ADORA2B: variants seen among roughly 807,000 people sequenced by gnomAD.
The protein encoded by ADORA2B is adenosine A2b receptor.
ADORA2B carries 18 observed loss-of-function variants against 20.8 expected under a neutral mutation model. The observed-to-expected ratio is 0.87, with a 90% CI of 0.60 to 1.29. The LOEUF (loss-of-function observed/expected upper bound fraction) is 1.29, where lower values mean the gene tolerates loss of function less well. ADORA2B is among the 50% of genes most tolerant of loss of function. The pLI is 0.00. For synonymous variants in ADORA2B, 179 were observed against 178.3 expected (o/e 1.00, Z -0.03); for missense variants, 441 against 422.7 (o/e 1.04, Z -0.38).
intron 1 of ADORA2B, among the ~76,000 whole-genome samples, chr17:15,950,659 C>T (rs756274460): frequency 7.2e-5 from 11 of 152,192 alleles, no homozygotes; most frequent in African/African-American, 1.9e-4. Flanking sequence ...AGCAGCCAGA[C>T]GGGATGACTT....
At chr17:15,907,248 G>A in the ADORA2B span, among the ~76,000 whole-genome samples, 12,922 of 151,784 alleles carry the variant, frequency 0.085, 1,552 homozygotes, top group African/African-American at 0.26. Context: ...GTGTACCTGC[G>A]TGGAATGTTT....
chr17:15,923,854 A>G, the ADORA2B span, among the ~76,000 whole-genome samples: 389 of 152,088 alleles, frequency 2.6e-3, no homozygotes, highest in Non-Finnish European at 4.6e-3. Flanking sequence ...TTTGCCATGG[A>G]GAAAATTTTT....
At chr17:15,941,452 G>A (rs1406890252), upstream of ADORA2B, among the ~76,000 whole-genome samples, 2 of 152,188 alleles carry the variant, frequency 1.3e-5, no homozygotes, top group African/African-American at 4.8e-5. Flanking sequence ...AACCAGCTGG[G>A]TGTAGTGGCT....
At chr17:15,945,119 C>T (rs957209365), upstream of ADORA2B, 21 of 814,488 alleles carry the variant, frequency 2.6e-5, no homozygotes, top group Non-Finnish European at 3.2e-5. Flanking sequence ...AGCGCCCCAG[C>T]CCCGAGGCTC....
At chr17:15,949,648 G>C (rs866445424) in intron 1 of ADORA2B, among the ~76,000 whole-genome samples, 1 of 149,802 alleles carries the variant, frequency 6.7e-6, no homozygotes, top group Admixed American at 6.7e-5. Context: ...GAGGCAGGTG[G>C]ATCACCTGAG....
chr17:15,869,320 A>AAAT, the ADORA2B span, among the ~76,000 whole-genome samples: 14 of 149,176 alleles, frequency 9.4e-5, no homozygotes, highest in South Asian at 2.1e-4. Context: ...ACTCCATCTC[A>AAAT]AATAATAATA....
the ADORA2B span, among the ~76,000 whole-genome samples, chr17:15,931,204 G>T: frequency 4.6e-5 from 7 of 152,168 alleles, no homozygotes; most frequent in African/African-American, 1.7e-4. Context: ...GAAACGCAGG[G>T]TGTCCAGATG....
rs767586572 is a variant in ADORA2B at position 15,974,665 on chromosome 17, A to T, written c.336-14A>T. 3 of 1,605,922 alleles carry T rather than the reference A, an allele frequency of 1.9e-6. No individual in the cohort carries two copies. In the African/African-American group the frequency reaches 4.0e-5, roughly 22 times the overall value. ...CTATAAACTGACCGTAACAGATGGT[A>T]TTCTTTTAAACAGGTATAAAAGTTT... On this transcript the variant is annotated splice_polypyrimidine_tract_variant and intron_variant, in intron 1 of 1. Transcript: ENST00000304222.
chr17:15,975,314 T>C lies in ADORA2B; in HGVS notation c.971T>C (p.Val324Ala). 1 of 1,612,726 alleles carries C rather than the reference T, an allele frequency of 6.2e-7. No individual in the cohort carries two copies. The highest frequency in any genetic ancestry group is 8.5e-7 in the Non-Finnish European group (1 of 1,179,958). The change falls in exon 2 of 2, where the codon GTA becomes GCA. Residue 324 changes from valine (V) to alanine (A), a missense_variant. Physicochemically the swap from Val to Ala is moderately conservative, Grantham distance 64. Transcript: ENST00000304222. ...DVKSGNGQAGVQPALGVGL is the reference protein window; with the variant it reads ...DVKSGNGQAGAQPALGVGL ...AAGAGTGGGAATGGTCAGGCTGGGGTACAGCCTGCTCTCGGTGTGGGCCTA... is the reference window on the plus strand; with the variant it reads ...AAGAGTGGGAATGGTCAGGCTGGGGCACAGCCTGCTCTCGGTGTGGGCCTA...
chr17:15,892,180 G>C, the ADORA2B span, among the ~76,000 whole-genome samples: 1 of 149,152 alleles, frequency 6.7e-6, no homozygotes, highest in Non-Finnish European at 1.5e-5. Flanking sequence ...TTTTGAGACA[G>C]AGTTTGAGAT....
At chr17:15,886,282 C>T in the ADORA2B span, among the ~76,000 whole-genome samples, 2 of 70,400 alleles carry the variant, frequency 2.8e-5, 1 homozygote, top group Admixed American at 2.6e-4. Context: ...TTCATCCTGC[C>T]TCCCGTACAC....
the ADORA2B span, among the ~76,000 whole-genome samples, chr17:15,882,669 A>G: frequency 6.6e-6 from 1 of 151,600 alleles, no homozygotes; most frequent in African/African-American, 2.4e-5. Flanking sequence ...AAAACTGCCC[A>G]TTTACACTTT....
intron 1 of ADORA2B, among the ~76,000 whole-genome samples, chr17:15,962,861 G>C (rs1397022088): frequency 6.6e-6 from 1 of 152,158 alleles, no homozygotes; most frequent in Non-Finnish European, 1.5e-5. Flanking sequence ...GTGAGAGAGG[G>C]CCCTTACAAG....
intron 1 of ADORA2B, among the ~76,000 whole-genome samples, chr17:15,956,590 C>CTTTT (rs11290214): frequency 5.8e-5 from 3 of 51,438 alleles, no homozygotes; most frequent in African/African-American, 1.3e-4. Context: ...TTATGTGTGT[C>CTTTT]TTTTTTTTTT....
At chr17:15,904,750 C>A in the ADORA2B span, among the ~76,000 whole-genome samples, 2 of 152,128 alleles carry the variant, frequency 1.3e-5, no homozygotes, top group African/African-American at 4.8e-5. Context: ...AATAAAGTAT[C>A]GGTTTTGGGT....
chr17:15,896,654 A>T, the ADORA2B span, among the ~76,000 whole-genome samples: 1 of 152,218 alleles, frequency 6.6e-6, no homozygotes, highest in African/African-American at 2.4e-5. Context: ...CAGTGTTTTA[A>T]TCAGGGCCCC....
intron 1 of ADORA2B, among the ~76,000 whole-genome samples, chr17:15,948,955 C>A (rs778672269): frequency 1.4e-4 from 21 of 152,102 alleles, no homozygotes; most frequent in Non-Finnish European, 2.6e-4. Context: ...CGCCTGTAAT[C>A]CCAGCACTTT....
chr17:15,863,860 G>A, the ADORA2B span, among the ~76,000 whole-genome samples: 5 of 152,326 alleles, frequency 3.3e-5, no homozygotes, highest in South Asian at 6.2e-4. Flanking sequence ...ATGACAGTCA[G>A]GAGGCACAAT....
At chr17:15,926,587 A>C in the ADORA2B span, among the ~76,000 whole-genome samples, 1 of 152,098 alleles carries the variant, frequency 6.6e-6, no homozygotes, top group African/African-American at 2.4e-5. Flanking sequence ...GCAGAAGGCC[A>C]ATGTGAGCAG....
Sources: allele counts gnomAD v4.1 joint callset (sites outside exome capture counted in the v4.1 genomes callset), GRCh38; gene constraint gnomAD v4.1.1; transcripts MANE v1.5; gene names NCBI Gene and HGNC (gene_info 2026-07-23, HGNC 2026-07-21).